Variants in PRKG1 observed in about 807,000 individuals in gnomAD.
The protein encoded by PRKG1 is protein kinase cGMP-dependent 1.
PRKG1 carries 35 observed loss-of-function variants against 88.1 expected under a neutral mutation model. That is an observed-to-expected ratio of 0.40 (90% CI 0.30 to 0.53). PRKG1 has a LOEUF of 0.53. Ranked by LOEUF, PRKG1 falls within the 20% of genes least tolerant of loss-of-function variation. The pLI is 0.59. For synonymous variants in PRKG1, 303 were observed against 292.5 expected, an observed-to-expected ratio of 1.04 and a Z score of -0.37; for missense variants, 540 against 839.8, an observed-to-expected ratio of 0.64 and a Z score of 4.41.
chr10:52,276,486 T>C (rs950057267), intron 12 of PRKG1, among the ~76,000 whole-genome samples: 2 of 152,150 alleles, frequency 1.3e-5, no homozygotes, highest in Non-Finnish European at 2.9e-5. Flanking sequence ...TATGACAAGT[T>C]GACTAAACAT....
intron 1 of PRKG1, among the ~76,000 whole-genome samples, chr10:51,043,096 G>A (rs1355470012): frequency 6.6e-6 from 1 of 152,128 alleles, no homozygotes; most frequent in Non-Finnish European, 1.5e-5. Flanking sequence ...GGGACAAGGG[G>A]ATTGAGCCTT....
chr10:51,983,890 G>A (rs1224081024), intron 5 of PRKG1, among the ~76,000 whole-genome samples: 1 of 152,186 alleles, frequency 6.6e-6, no homozygotes, highest in East Asian at 1.9e-4. Context: ...CCCTGTGCCG[G>A]GTTCCCAGCT....
At chr10:51,272,323 C>T (rs1416354840) in intron 2 of PRKG1, among the ~76,000 whole-genome samples, 1 of 149,774 alleles carries the variant, frequency 6.7e-6, no homozygotes, top group Non-Finnish European at 1.5e-5. Context: ...CACGTGGACA[C>T]AGGGAGGGGA....
At chr10:51,235,845 T>G (rs979816241) in intron 2 of PRKG1, among the ~76,000 whole-genome samples, 1 of 151,968 alleles carries the variant, frequency 6.6e-6, no homozygotes, top group Admixed American at 6.6e-5. Context: ...CAGAAATGGT[T>G]AAAAATGAAA....
intron 2 of PRKG1, among the ~76,000 whole-genome samples, chr10:51,366,482 C>G (rs1474460509): frequency 3.9e-5 from 6 of 151,910 alleles, no homozygotes; most frequent in Non-Finnish European, 7.4e-5. Flanking sequence ...GAGATAACTT[C>G]TCTATAACCT....
intron 4 of PRKG1, among the ~76,000 whole-genome samples, chr10:51,872,946 A>G (rs1448190291): frequency 6.6e-6 from 1 of 152,046 alleles, no homozygotes; most frequent in African/African-American, 2.4e-5. Context: ...ATAAAATTTT[A>G]TATAAAATTT....
intron 4 of PRKG1, among the ~76,000 whole-genome samples, chr10:51,812,156 T>C (rs1160239243): frequency 6.6e-6 from 1 of 152,170 alleles, no homozygotes; most frequent in East Asian, 1.9e-4. Flanking sequence ...AATCAACACA[T>C]TTTTGCCAAT....
chr10:51,541,390 G>C (rs928214313), intron 3 of PRKG1, among the ~76,000 whole-genome samples: 1 of 152,138 alleles, frequency 6.6e-6, no homozygotes, highest in African/African-American at 2.4e-5. Context: ...TCAGGGGTTA[G>C]GGACCCCTGT....
chr10:51,347,971 G>A (rs990009660), intron 2 of PRKG1, among the ~76,000 whole-genome samples: 2 of 152,158 alleles, frequency 1.3e-5, no homozygotes, highest in Admixed American at 1.3e-4. Flanking sequence ...GCTGAGGCAG[G>A]ACAATGGCGT....
At chr10:52,271,954 A>G (rs1040208060) in intron 11 of PRKG1, among the ~76,000 whole-genome samples, 1 of 152,098 alleles carries the variant, frequency 6.6e-6, no homozygotes, top group African/African-American at 2.4e-5. Context: ...TGAATTTTCC[A>G]GTGGCATTTA....
At chr10:51,534,396 C>T (rs374725665) in intron 3 of PRKG1, among the ~76,000 whole-genome samples, 4 of 152,106 alleles carry the variant, frequency 2.6e-5, no homozygotes, top group African/African-American at 7.2e-5. Context: ...GGGCTGGGCG[C>T]GGTGGCTCAC....
intron 3 of PRKG1, among the ~76,000 whole-genome samples, chr10:51,527,234 A>C (rs1841905000): frequency 1.3e-5 from 2 of 152,138 alleles, no homozygotes; most frequent in South Asian, 4.1e-4. Flanking sequence ...GAATAACGAA[A>C]AAGAATAAAG....
intron 1 of PRKG1, among the ~76,000 whole-genome samples, chr10:50,996,121 A>G (rs1842834542): frequency 1.3e-5 from 2 of 152,246 alleles, no homozygotes; most frequent in Admixed American, 1.3e-4. Flanking sequence ...AATAGCAATG[A>G]AAGCAATAAT....
intron 2 of PRKG1, among the ~76,000 whole-genome samples, chr10:51,161,825 A>G (rs1846371537): frequency 6.6e-6 from 1 of 152,226 alleles, no homozygotes; most frequent in South Asian, 2.1e-4. Flanking sequence ...GGTAAAAATT[A>G]GAAACAAAAC....
intron 3 of PRKG1, among the ~76,000 whole-genome samples, chr10:51,675,614 A>G (rs879161485): frequency 6.6e-6 from 1 of 152,184 alleles, no homozygotes; most frequent in Non-Finnish European, 1.5e-5. Context: ...ATGTCTAGTT[A>G]CTTATCTACC....
At chr10:52,109,144 G>A (rs989895051) in intron 7 of PRKG1, among the ~76,000 whole-genome samples, 6 of 152,032 alleles carry the variant, frequency 3.9e-5, no homozygotes, top group African/African-American at 1.2e-4. Flanking sequence ...GGATTTATTG[G>A]CATCACCTTA....
At chr10:51,525,258 GAAGGAAGGAAAAA>G (rs1192718331) in intron 3 of PRKG1, among the ~76,000 whole-genome samples, 1 of 150,782 alleles carries the variant, frequency 6.6e-6, no homozygotes, top group African/African-American at 2.4e-5. Context: ...AGAAGAAAGG[GAAGGAAGGAAAAA>G]AAGGAAGGAA....
chr10:51,826,436 T>A lies in PRKG1; in HGVS notation c.698+21746T>A, dbSNP rs1021422185. Reference sequence around the variant, plus strand: ...GAATCTTTCACTTAAATGTAGCTAGTCCTCCAGAGGATTGAGGAAGTGCTG... The same window carrying A: ...GAATCTTTCACTTAAATGTAGCTAGACCTCCAGAGGATTGAGGAAGTGCTG... On this transcript the variant is annotated intron_variant, in intron 4 of 17. Coordinates refer to ENST00000373980, the MANE Select transcript of PRKG1 (RefSeq NM_006258.4). Among the ~76,000 whole-genome samples the A allele has an allele frequency of 2.6e-5, 4 of 152,180 alleles. 1 individual carries two copies. Among genetic ancestry groups the A allele is most frequent in the East Asian group, 3.9e-4 (2 of 5,192 alleles).
At chr10:51,699,527 T>C in intron 3 of PRKG1, 1 of 1,611,192 alleles carries the variant, frequency 6.2e-7, no homozygotes, top group South Asian at 1.1e-5. Flanking sequence ...CATTGCCGGG[T>C]CTCTCACCGC....
Sources: allele counts gnomAD v4.1 joint callset (sites outside exome capture counted in the v4.1 genomes callset), GRCh38; gene constraint gnomAD v4.1.1; transcripts MANE v1.5; gene names NCBI Gene and HGNC (gene_info 2026-07-23, HGNC 2026-07-21).